The following SH3TC1 variants were observed in gnomAD, a reference collection of about 807,000 sequenced individuals.
SH3TC1 encodes SH3 domain and tetratricopeptide repeat-containing protein 1.
Under a neutral mutation model 117.3 loss-of-function variants are expected in SH3TC1, and 135 were observed. The ratio of observed to expected loss-of-function variants is 1.15; its 90% CI spans 1.00 to 1.33. The LOEUF is 1.33. Ranked by LOEUF, SH3TC1 falls within the 40% of genes most tolerant of loss-of-function variation. SH3TC1 has a pLI of 0.00. For synonymous variants in SH3TC1, 898 were observed against 816.9 expected (o/e 1.10, Z -1.69); for missense variants, 2,092 against 1,794.3 (o/e 1.17, Z -3.00).
chr4:8,195,772 G>A (rs1717541229), upstream of SH3TC1, among the ~76,000 whole-genome samples: 1 of 152,216 alleles, frequency 6.6e-6, no homozygotes, highest in Non-Finnish European at 1.5e-5. Flanking sequence ...GGTGTGAGCA[G>A]GCTGGAGAAC....
chr4:8,191,439 G>C (rs535898822), intron 1 of SH3TC1, among the ~76,000 whole-genome samples: 2 of 152,336 alleles, frequency 1.3e-5, no homozygotes, highest in Admixed American at 6.5e-5. Flanking sequence ...TATGAGCCCC[G>C]TGTCCTCGTT....
intron 10 of SH3TC1, among the ~76,000 whole-genome samples, chr4:8,224,791 G>A (rs573926926): frequency 6.6e-6 from 1 of 152,332 alleles, no homozygotes; most frequent in African/African-American, 2.4e-5. Context: ...TGATGGAGCT[G>A]ATGGAAGCCG....
Position 8,236,439 on chromosome 4 carries a change from T to A in SH3TC1, c.3556+11T>A, listed in dbSNP as rs757347636. ...TCAGCATCACCCTGGGTAAGCCCCC[T>A]GAGCCCCTGCCCTGCCAGGACCCAC... On this transcript the variant is annotated intron_variant, in intron 16 of 17. Coordinates refer to ENST00000245105, the MANE Select transcript of SH3TC1 (RefSeq NM_018986.5). 20 of 1,439,928 alleles carry A rather than the reference T, an allele frequency of 1.4e-5. No homozygotes were observed. The highest frequency in any genetic ancestry group is 1.8e-5 in the Non-Finnish European group (20 of 1,088,008). The allele number at this position is 1,439,928 out of a possible 1,614,324, so 89.2% of individuals were successfully genotyped here.
Position 8,227,744 on chromosome 4 carries a change from G to C in SH3TC1, c.2050G>C (p.Ala684Pro). Residue 684 changes from alanine (A) to proline (P), a missense_variant, in exon 12 of 18, where the codon GCC becomes CCC. Coordinates refer to ENST00000245105, the MANE Select transcript of SH3TC1 (RefSeq NM_018986.5). ...CGTGCACCTCAAGCAGCCCGAGGAG[G>C]CCCTGCCCTTCCTAGAGCGGCTGCT... is the stretch of plus-strand genomic sequence containing the variant. ...HHVHLKQPEE[A>P]LPFLERLLLL... 1 of 1,608,710 alleles carries C rather than the reference G, an allele frequency of 6.2e-7. No homozygotes were observed. The highest frequency in any genetic ancestry group is 8.5e-7 in the Non-Finnish European group (1 of 1,177,420).
At chr4:8,231,109 C>G (rs1721163150) in intron 12 of SH3TC1, 1 of 152,284 alleles carries the variant, frequency 6.6e-6, no homozygotes, top group African/African-American at 2.4e-5. Context: ...TCATTCTTCT[C>G]AAATTAGTTT....
chr4:8,235,993 T>C (rs1399534126), intron 15 of SH3TC1: 4 of 463,194 alleles, frequency 8.6e-6, no homozygotes, highest in Non-Finnish European at 1.5e-5. Flanking sequence ...ATAAATGTCG[T>C]GTTTTTAGAG....
chr4:8,230,924 C>T (rs1220526877), intron 12 of SH3TC1, among the ~76,000 whole-genome samples: 1 of 151,992 alleles, frequency 6.6e-6, no homozygotes, highest in Non-Finnish European at 1.5e-5. Flanking sequence ...GGATTACAGA[C>T]ATGCACCACC....
chr4:8,228,480 C>G lies in SH3TC1; in HGVS notation c.2786C>G (p.Ala929Gly). ...CTGGCCCAGCACTACCTCCTGGAGG[C>G]CGTGCGGCTGTTCTCGAGGCTGCCC... ...SRLAQHYLLE[A>G]VRLFSRLPLG... Residue 929 changes from alanine (A) to glycine (G), a missense_variant, in exon 12 of 18, where the codon GCC (alanine) becomes GGC (glycine). Physicochemically the swap from Ala to Gly is moderately conservative, Grantham distance 60 (BLOSUM62 0). Coordinates refer to ENST00000245105, the MANE Select transcript of SH3TC1 (RefSeq NM_018986.5). 6.2e-7 allele frequency: 1 copy of G among 1,610,148 alleles called. No individual in the cohort carries two copies. The highest frequency in any genetic ancestry group is 8.5e-7 in the Non-Finnish European group (1 of 1,178,856).
chr4:8,227,306 G>A lies in SH3TC1; in HGVS notation c.1612G>A (p.Glu538Lys), dbSNP rs1720562921. ...GTTCCGCAGCTTCAGCGACGAGGAG[G>A]AGCTGACTGGGCGCCTGGCACAGGC... is the stretch of plus-strand genomic sequence containing the variant. Reference protein sequence around the residue: ...SVFRSFSDEEELTGRLAQARG... With the variant: ...SVFRSFSDEEKLTGRLAQARG... Residue 538 changes from glutamate to lysine, a missense_variant, in exon 12 of 18, where the codon GAG becomes AAG. Coordinates refer to ENST00000245105, the MANE Select transcript of SH3TC1 (RefSeq NM_018986.5). The A allele has an allele frequency of 1.2e-6, 2 of 1,610,394 alleles. No individual in the cohort carries two copies. Among genetic ancestry groups the A allele is most frequent in the Non-Finnish European group, 8.5e-7 (1 of 1,179,072 alleles).
At chr4:8,237,419 A>ATGCCTGCTCCTGAGGGGCCTGTGCCC (rs200316354) in intron 16 of SH3TC1, 55 bp from the exon 17 acceptor site, 37,982 of 1,427,898 alleles carry the variant, frequency 0.027, 917 homozygotes, top group African/African-American at 0.11. Flanking sequence ...CGGGGTCTGC[A>ATGCCTGCTCCTGAGGGGCCTGTGCCC]TGCCTGCCCC....
Position 8,199,335 on chromosome 4 carries a change from G to C in SH3TC1, c.-99G>C, listed in dbSNP as rs926019204. 2.0e-5 allele frequency: 3 copies of C among 152,322 alleles called. No homozygotes were observed. Among genetic ancestry groups the C allele is most frequent in the African/African-American group, 7.2e-5 (3 of 41,476 alleles). The allele number at this position is 152,322 out of a possible 1,614,324, so 9.4% of individuals were successfully genotyped here. On this transcript the variant is annotated 5_prime_UTR_variant, in exon 1 of 18. Coordinates refer to ENST00000245105, the MANE Select transcript of SH3TC1 (RefSeq NM_018986.5). ...GTGGGGCCAGCCAGCGCTGGGCCAG[G>C]AGCGGCCACCTGGTTCCTGCGTGCT... is the stretch of plus-strand genomic sequence containing the variant.
intron 5 of SH3TC1, among the ~76,000 whole-genome samples, chr4:8,215,860 G>A (rs774735191): frequency 5.3e-5 from 8 of 152,252 alleles, no homozygotes; most frequent in Non-Finnish European, 1.2e-4. Context: ...GGCGTGGAGA[G>A]GTCAGATAAC....
intron 1 of SH3TC1, among the ~76,000 whole-genome samples, chr4:8,187,763 G>C (rs1323909341): frequency 2.0e-5 from 3 of 152,012 alleles, no homozygotes; most frequent in African/African-American, 7.2e-5. Context: ...TATTGGCCAG[G>C]CTGCTCTTGA....
At position 8,210,415 on chromosome 4, in the gene SH3TC1, A is replaced by T. The variant is rs1419426400; in HGVS notation, c.247+593A>T. ...CCTTTGACTTTCCTTTTGTGTGGTCAGCACTGCTGGTGGCCACTCGGGATG... is the reference window on the plus strand; with the variant it reads ...CCTTTGACTTTCCTTTTGTGTGGTCTGCACTGCTGGTGGCCACTCGGGATG... On this transcript the variant is annotated intron_variant, in intron 3 of 17. Transcript: ENST00000245105. This position sits in a 1 kb window ranked among gnomAD's most constrained non-coding sequence, Gnocchi z 4.1. Among the ~76,000 whole-genome samples, 2 of 152,240 alleles carry T rather than the reference A, an allele frequency of 1.3e-5. No individual in the cohort carries two copies. Among genetic ancestry groups the T allele is most frequent in the Non-Finnish European group, 2.9e-5 (2 of 68,040 alleles).
upstream of SH3TC1, among the ~76,000 whole-genome samples, chr4:8,194,896 C>T (rs1017369705): frequency 6.6e-6 from 1 of 152,214 alleles, no homozygotes; most frequent in African/African-American, 2.4e-5. Flanking sequence ...TCTCCGGCTG[C>T]TCCACTCACA....
In SH3TC1 at chr4:8,212,737, G is replaced by T. The variant is rs768486125; in HGVS notation, c.284G>T (p.Ser95Ile). 2.5e-6 allele frequency: 4 copies of T among 1,612,950 alleles called. No homozygotes were observed. The highest frequency in any genetic ancestry group is 3.4e-6 in the Non-Finnish European group (4 of 1,179,956). Residue 95 changes from serine (S) to isoleucine (I), a missense_variant, in exon 4 of 18, where the codon AGC becomes ATC. Ser to Ile is a moderately radical substitution (Grantham distance 142). Transcript: ENST00000245105. ...TLQLLAVRRK[S>I]RLRDPGLQQT... The stretch of plus-strand genomic sequence containing the variant: ...CAGCTGCTGGCTGTGCGGAGGAAGA[G>T]CAGACTGCGGGACCCCGGCCTACAG...
At chr4:8,199,062 C>T (rs543960787), upstream of SH3TC1, among the ~76,000 whole-genome samples, 3 of 152,328 alleles carry the variant, frequency 2.0e-5, no homozygotes, top group Non-Finnish European at 2.9e-5. Context: ...GACTGGGTGC[C>T]CCTAGCCTCT....
rs1406223877 is a variant in SH3TC1, at chr4:8,227,723, C to A, written c.2029C>A (p.His677Asn). The A allele has an allele frequency of 6.3e-7, 1 of 1,586,058 alleles. No homozygotes were observed. Among genetic ancestry groups the A allele is most frequent in the Non-Finnish European group, 8.6e-7 (1 of 1,163,542 alleles). ...CTTCCTGCTGGCCAGGCACCACGTGCACCTCAAGCAGCCCGAGGAGGCCCT... is the reference window on the plus strand; with the variant it reads ...CTTCCTGCTGGCCAGGCACCACGTGAACCTCAAGCAGCCCGAGGAGGCCCT... ...ACFLLARHHV[H>N]LKQPEEALPF... The change falls in exon 12 of 18, where the codon CAC (histidine) becomes AAC (asparagine). Residue 677 changes from histidine to asparagine, a missense_variant. Physicochemically the swap from His to Asn is moderately conservative, Grantham distance 68 (BLOSUM62 1). Coordinates refer to ENST00000245105, the MANE Select transcript of SH3TC1 (RefSeq NM_018986.5).
chr4:8,182,749 A>G (rs115510584), intron 1 of SH3TC1, among the ~76,000 whole-genome samples: 2,726 of 152,318 alleles, frequency 0.018, 82 homozygotes, highest in African/African-American at 0.062. Context: ...AGGACGCAGG[A>G]GCCCTGGGCG....
Sources: gnomAD v4.1 joint callset for allele counts (sites outside exome capture counted in the v4.1 genomes callset) on GRCh38, gnomAD v4.1.1 for gene constraint, Gnocchi (gnomAD v3.1) non-coding constraint, MANE v1.5 for transcripts, NCBI Gene and HGNC (gene_info 2026-07-23, HGNC 2026-07-21) for gene names.